Variants in ARHGAP17 observed in about 807,000 individuals in gnomAD.
ARHGAP17 encodes Rho GTPase activating protein 17.
A neutral mutation model predicts 99.5 loss-of-function variants in ARHGAP17; 57 were observed. The ratio of observed to expected loss-of-function variants is 0.57; its 90% CI spans 0.46 to 0.71. The LOEUF (loss-of-function observed/expected upper bound fraction) is 0.71. Among genes scored for constraint, ARHGAP17 ranks in the 30% least tolerant of loss-of-function variants. The pLI is 0.00. For missense variants in ARHGAP17, 1,000 were observed against 1,122.4 expected (o/e 0.89, Z 1.56); for synonymous variants, 417 against 429.6 (o/e 0.97, Z 0.36).
At chr16:24,947,440 G>T in intron 14 of ARHGAP17, 42 bp downstream of exon 14, 2 of 1,524,216 alleles carry the variant, frequency 1.3e-6, no homozygotes, top group South Asian at 1.1e-5. Flanking sequence ...CCCATCAGGT[G>T]GGAAAGAAGA....
At chr16:24,941,711 G>C in intron 16 of ARHGAP17, 1 of 442,438 alleles carries the variant, frequency 2.3e-6, no homozygotes, top group Non-Finnish European at 4.1e-6. Context: ...TTTAACATGT[G>C]TATGATGCCG....
At chr16:24,921,941 T>C (rs905835135) in intron 19 of ARHGAP17, among the ~76,000 whole-genome samples, 24 of 152,256 alleles carry the variant, frequency 1.6e-4, no homozygotes, top group African/African-American at 5.5e-4. Context: ...AGGGACTGTG[T>C]CTGTCTTGTT....
chr16:25,003,512 C>T (rs530618648), intron 1 of ARHGAP17, among the ~76,000 whole-genome samples: 1 of 152,092 alleles, frequency 6.6e-6, no homozygotes, highest in Non-Finnish European at 1.5e-5. Flanking sequence ...CCATGCCTGG[C>T]CTTAAAGCTT....
intron 3 of ARHGAP17, 36 bp from the exon 4 acceptor site, chr16:24,970,616 A>ATT: frequency 4.5e-6 from 7 of 1,541,536 alleles, no homozygotes; most frequent in Non-Finnish European, 6.3e-6. Flanking sequence ...TTTTCTCATT[A>ATT]TTTGATACCC....
At position 24,968,745 on chromosome 16, in the gene ARHGAP17, A is replaced by G. The variant is rs1156889583; in HGVS notation, c.300T>C (p.Ala100=). 2 of 1,614,220 alleles carry G rather than the reference A, an allele frequency of 1.2e-6. No homozygotes were observed. Among genetic ancestry groups the G allele is most frequent in the Non-Finnish European group, 1.7e-6 (2 of 1,180,044 alleles). The stretch of plus-strand genomic sequence containing the variant: ...AGAGCTCGAGAGCCAGCTGATTCTC[A>G]GCATCTCCACACGTCTCCAGCATCT... ...LGKMLETCGD[A]ENQLALELSQ... Residue 100 remains alanine, a synonymous_variant, in exon 5 of 20, where the codon GCT becomes GCC. Coordinates refer to ENST00000289968, the MANE Select transcript of ARHGAP17 (RefSeq NM_001006634.3).
At chr16:24,931,472 C>A in intron 18 of ARHGAP17, 68 bp from the exon 19 acceptor site, 1 of 1,441,404 alleles carries the variant, frequency 6.9e-7, no homozygotes, top group Non-Finnish European at 9.1e-7. Flanking sequence ...TGGCCAGGAG[C>A]CCAAATTTAA....
chr16:24,935,703 C>A, intron 17 of ARHGAP17, 64 bp from the exon 18 acceptor site: 5 of 1,520,408 alleles, frequency 3.3e-6, no homozygotes, highest in Non-Finnish European at 4.5e-6. Flanking sequence ...GAACATACTG[C>A]ACATAAAACA....
chr16:24,969,488 G>T (rs2052295217), intron 4 of ARHGAP17, among the ~76,000 whole-genome samples: 1 of 152,060 alleles, frequency 6.6e-6, no homozygotes, highest in Non-Finnish European at 1.5e-5. Flanking sequence ...CCCACTGTGG[G>T]GTCTCAGGCA....
At chr16:24,973,706 T>C (rs1721558991) in intron 3 of ARHGAP17, among the ~76,000 whole-genome samples, 1 of 152,238 alleles carries the variant, frequency 6.6e-6, no homozygotes, top group Admixed American at 6.5e-5. Flanking sequence ...GCATGTTTTA[T>C]TGAGCATCTT....
At chr16:24,998,269 G>A (rs529854607) in intron 1 of ARHGAP17, among the ~76,000 whole-genome samples, 2 of 151,972 alleles carry the variant, frequency 1.3e-5, no homozygotes, top group South Asian at 2.1e-4. Context: ...GGAAGGGGAG[G>A]GCTGAGAAAA....
intron 1 of ARHGAP17, among the ~76,000 whole-genome samples, chr16:24,999,191 A>G (rs72782517): frequency 0.067 from 10,163 of 152,246 alleles, 423 homozygotes; most frequent in Middle Eastern, 0.13. Context: ...TTTCCTGGTC[A>G]TCGGTATTTC....
Position 24,965,242 on chromosome 16 carries a change from G to A in ARHGAP17, c.462-934C>T, listed in dbSNP as rs2141292447. On this transcript the variant is annotated intron_variant, in intron 6 of 19. Transcript: ENST00000289968. ...TCCCAGCACTTTGGGAAGCCGAGGT[G>A]GGCGGATCATGAGGTCAGGATATCG... 2.0e-5 allele frequency among the ~76,000 whole-genome samples: 3 copies of A among 152,284 alleles called. 1 individual carries two copies. Among genetic ancestry groups the A allele is most frequent in the Admixed American group, 2.0e-4 (3 of 15,302 alleles).
At chr16:25,002,090 A>AG (rs1418054283) in intron 1 of ARHGAP17, among the ~76,000 whole-genome samples, 1 of 152,120 alleles carries the variant, frequency 6.6e-6, no homozygotes, top group East Asian at 1.9e-4. Flanking sequence ...AAAAAAAAAA[A>AG]AAATGTTGAT....
At chr16:24,922,735 G>A (rs57143530) in intron 19 of ARHGAP17, among the ~76,000 whole-genome samples, 3,320 of 151,960 alleles carry the variant, frequency 0.022, 103 homozygotes, top group African/African-American at 0.074. Flanking sequence ...GAGTGCAGTC[G>A]TGCAATCTCA....
At chr16:24,922,468 A>G (rs1258233038) in intron 19 of ARHGAP17, among the ~76,000 whole-genome samples, 1 of 152,082 alleles carries the variant, frequency 6.6e-6, no homozygotes, top group Non-Finnish European at 1.5e-5. Flanking sequence ...ATTCAAGGGG[A>G]AAAAATGTGT....
chr16:24,990,874 G>C (rs1412189721), intron 1 of ARHGAP17, among the ~76,000 whole-genome samples: 1 of 151,192 alleles, frequency 6.6e-6, no homozygotes, highest in African/African-American at 2.4e-5. Flanking sequence ...GCAGGTGGCA[G>C]AACGAGCAGC....
chr16:24,950,811 T>G (rs1429343656), intron 12 of ARHGAP17, among the ~76,000 whole-genome samples: 1 of 118,888 alleles, frequency 8.4e-6, no homozygotes, highest in African/African-American at 3.5e-5. Flanking sequence ...CACTCCAGCC[T>G]GGGCGACAGA....
rs760707028 is a variant in ARHGAP17 at position 24,931,142 on chromosome 16, A to G, written c.2157T>C (p.Pro719=). 10 of 1,602,894 alleles carry G rather than the reference A, an allele frequency of 6.2e-6. No homozygotes were observed. The South Asian group carries it at 1.0e-4, about 16-fold the overall frequency. ...QAPNHPPPQP[P]TQATPLMHTK... Reference sequence around the variant, plus strand: ...TGTGCATCAGTGGCGTGGCCTGCGTAGGGGGCTGCGGCGGTGGGTGATTGG... The same window carrying G: ...TGTGCATCAGTGGCGTGGCCTGCGTGGGGGGCTGCGGCGGTGGGTGATTGG... Residue 719 remains proline (P), a synonymous_variant, in exon 19 of 20, where the codon CCT becomes CCC. Coordinates refer to ENST00000289968, the MANE Select transcript of ARHGAP17 (RefSeq NM_001006634.3).
rs546881849 is a variant in ARHGAP17, at chr16:25,010,085, T to TC, written c.53+5123_53+5124insG. Among the ~76,000 whole-genome samples, 1,148 of 151,788 alleles carry TC rather than the reference T, an allele frequency of 7.6e-3. 6 individuals are homozygous for TC. The highest frequency in any genetic ancestry group is 0.014 in the Non-Finnish European group (920 of 67,914). On this transcript the variant is annotated intron_variant, in intron 1 of 19. Coordinates refer to ENST00000289968, the MANE Select transcript of ARHGAP17 (RefSeq NM_001006634.3). ...CAGGTTTCTTCCTCTTTTTTTTCTT[T>TC]TTTTTTTTGAGACAGGGTCTTGCTC...
Sources: gnomAD v4.1 joint callset for allele counts (sites outside exome capture counted in the v4.1 genomes callset) on GRCh38, gnomAD v4.1.1 for gene constraint, MANE v1.5 for transcripts, NCBI Gene and HGNC (gene_info 2026-07-23, HGNC 2026-07-21) for gene names.